Variants in DYRK1A observed in about 807,000 individuals in gnomAD.
DYRK1A encodes the protein dual specificity tyrosine-phosphorylation-regulated kinase 1A.
DYRK1A carries 9 observed loss-of-function variants against 79.7 expected under a neutral mutation model. That is an observed-to-expected ratio of 0.11 (90% CI 0.07 to 0.20). The LOEUF is 0.20. DYRK1A is among the 10% of genes least tolerant of loss of function. The pLI, the probability that DYRK1A is intolerant of heterozygous loss-of-function variation, is 1.00. For synonymous variants in DYRK1A, 349 were observed against 329.7 expected, an observed-to-expected ratio of 1.06 and a Z score of -0.63; for missense variants, 622 against 956.0, an observed-to-expected ratio of 0.65 and a Z score of 4.61.
intron 1 of DYRK1A, among the ~76,000 whole-genome samples, chr21:37,391,895 G>C (rs2049877534): frequency 6.6e-6 from 1 of 152,236 alleles, no homozygotes; most frequent in Non-Finnish European, 1.5e-5. Context: ...AGGGCATGTA[G>C]TAGGTGTGTT....
rs1364219580 is a variant in DYRK1A at position 37,366,799 on chromosome 21, T to A, written c.-906T>A. The A allele has an allele frequency of 2.0e-5, 3 of 151,986 alleles. No individual in the cohort carries two copies. Among genetic ancestry groups the A allele is most frequent in the Admixed American group, 2.0e-4 (3 of 15,284 alleles). The allele number at this position is 151,986 out of a possible 1,614,324, so 9.4% of individuals were successfully genotyped here. A position where few individuals can be genotyped will look rare whatever the true frequency, so the allele number is the denominator to read the frequency against. ...ACCGGGTCGGTCCGTCGCCATTTTG[T>A]TGGTTGGTTTTTTTTTAAACCCTTT... is the stretch of plus-strand genomic sequence containing the variant. On this transcript the variant is annotated 5_prime_UTR_variant, in exon 1 of 12. It adds an upstream start codon to the 5' untranslated region. Transcript: ENST00000647188.
At chr21:37,408,571 T>G (rs528525674) in intron 1 of DYRK1A, among the ~76,000 whole-genome samples, 2 of 152,040 alleles carry the variant, frequency 1.3e-5, no homozygotes, top group African/African-American at 4.8e-5. Flanking sequence ...ATTATATAAA[T>G]TTTTTTTAGC....
intron 2 of DYRK1A, among the ~76,000 whole-genome samples, chr21:37,436,201 TTTGTGTTAAGGTTTTAAA>T (rs752588656): frequency 2.6e-5 from 4 of 152,196 alleles, no homozygotes; most frequent in Non-Finnish European, 5.9e-5. Flanking sequence ...GCCCATAGAA[TTTGTGTTAAGGTTTTAAA>T]TATCACTTAG....
rs1021931512 is a variant in DYRK1A at position 37,514,646 on chromosome 21, T to C, written c.*2115T>C. Reference sequence around the variant, plus strand: ...TTTTATAAACTACAAAAACTTTTTGTTGTTTATCAGGAAATCCATATTTAT... The same window carrying C: ...TTTTATAAACTACAAAAACTTTTTGCTGTTTATCAGGAAATCCATATTTAT... On this transcript the variant is annotated 3_prime_UTR_variant, in exon 12 of 12. Coordinates refer to ENST00000647188, the MANE Select transcript of DYRK1A (RefSeq NM_001347721.2). The C allele has an allele frequency of 1.3e-5, 2 of 152,620 alleles. No homozygotes were observed. The highest frequency in any genetic ancestry group is 2.9e-5 in the Non-Finnish European group (2 of 68,028). The allele number at this position is 152,620 out of a possible 1,614,324, so 9.5% of individuals were successfully genotyped here. A position where few individuals can be genotyped will look rare whatever the true frequency, so the allele number is the denominator to read the frequency against.
Position 37,480,750 on chromosome 21 carries a change from A to G in DYRK1A, c.413A>G (p.Tyr138Cys), listed in dbSNP as rs1204853440. ...NDGYDDDNYDYIVKNGEKWMD... is the reference protein window; with the variant it reads ...NDGYDDDNYDCIVKNGEKWMD... ...GGTTATGATGATGATAACTATGATT[A>G]TATTGTAAAAAACGGAGAAAAGTGG... is the stretch of plus-strand genomic sequence containing the variant. The change falls in exon 5 of 12, where the codon TAT becomes TGT. Residue 138 changes from tyrosine to cysteine, a missense_variant. Transcript: ENST00000647188. The G allele has an allele frequency of 6.2e-7, 1 of 1,613,142 alleles. No homozygotes were observed.
At chr21:37,486,400 T>C (rs1292547803) in intron 5 of DYRK1A, 67 bp from the exon 6 acceptor site, 1 of 1,217,688 alleles carries the variant, frequency 8.2e-7, no homozygotes, top group African/African-American at 1.6e-5. Flanking sequence ...ATAATTAAGG[T>C]GAATTATAAA....
chr21:37,418,259 C>G (rs2050396037), intron 1 of DYRK1A, among the ~76,000 whole-genome samples: 3 of 152,088 alleles, frequency 2.0e-5, no homozygotes, highest in Admixed American at 2.0e-4. Flanking sequence ...GGTTTGGTTG[C>G]TGTATAAGTC....
chr21:37,437,331 C>G (rs573057189), intron 2 of DYRK1A, among the ~76,000 whole-genome samples: 83 of 152,188 alleles, frequency 5.5e-4, no homozygotes, highest in Admixed American at 1.4e-3. Context: ...TGAGTAATTT[C>G]AAGGGGTTTT....
intron 1 of DYRK1A, among the ~76,000 whole-genome samples, chr21:37,397,857 G>A (rs1462819479): frequency 2.6e-5 from 4 of 152,028 alleles, no homozygotes; most frequent in South Asian, 2.1e-4. Context: ...GTGAAAGTGC[G>A]TAATTAATAC....
At chr21:37,455,019 C>CCTT (rs776780027) in intron 2 of DYRK1A, among the ~76,000 whole-genome samples, 4 of 116,854 alleles carry the variant, frequency 3.4e-5, no homozygotes, top group African/African-American at 1.3e-4. Context: ...GGGTGGTCAC[C>CCTT]TTTTTTTTTT....
chr21:37,395,223 A>G (rs1310537221), intron 1 of DYRK1A, among the ~76,000 whole-genome samples: 2 of 152,234 alleles, frequency 1.3e-5, no homozygotes, highest in East Asian at 3.8e-4. Context: ...TAGGAAATGT[A>G]GATTCTCAGG....
intron 2 of DYRK1A, among the ~76,000 whole-genome samples, chr21:37,448,553 G>A (rs2051344523): frequency 6.6e-6 from 1 of 151,908 alleles, no homozygotes; most frequent in Non-Finnish European, 1.5e-5. Flanking sequence ...AAAATAGGAA[G>A]GTTTAACATG....
At chr21:37,388,811 A>C (rs1470168712) in intron 1 of DYRK1A, among the ~76,000 whole-genome samples, 4 of 151,400 alleles carry the variant, frequency 2.6e-5, no homozygotes, top group African/African-American at 9.7e-5. Context: ...TGCCCGGCTA[A>C]TTTTTTGTAT....
chr21:37,475,256 G>T (rs1249911359), intron 3 of DYRK1A, among the ~76,000 whole-genome samples: 1 of 152,126 alleles, frequency 6.6e-6, no homozygotes, highest in East Asian at 1.9e-4. Context: ...TTGCAAAAGG[G>T]GTCATTTCTG....
intron 2 of DYRK1A, among the ~76,000 whole-genome samples, chr21:37,445,346 A>T (rs2051233864): frequency 6.6e-6 from 1 of 152,218 alleles, no homozygotes; most frequent in African/African-American, 2.4e-5. Flanking sequence ...TTTCTGTTAG[A>T]TGCCAGGAGG....
chr21:37,474,440 A>C (rs926355393), intron 3 of DYRK1A, among the ~76,000 whole-genome samples: 12 of 152,240 alleles, frequency 7.9e-5, no homozygotes, highest in Admixed American at 2.6e-4. Context: ...TATTTCTGCC[A>C]AAATCCAAAA....
At chr21:37,433,015 A>G (rs2050820796) in intron 2 of DYRK1A, among the ~76,000 whole-genome samples, 1 of 147,130 alleles carries the variant, frequency 6.8e-6, no homozygotes. Context: ...GTATACTTAG[A>G]AAACTTACTT....
At chr21:37,482,753 A>G (rs898667952) in intron 5 of DYRK1A, among the ~76,000 whole-genome samples, 18 of 152,310 alleles carry the variant, frequency 1.2e-4, no homozygotes, top group South Asian at 8.3e-4. Flanking sequence ...TCTCGACCAT[A>G]GAAGACGGCC....
intron 11 of DYRK1A, among the ~76,000 whole-genome samples, chr21:37,511,001 G>A (rs538238202): frequency 4.2e-4 from 64 of 152,214 alleles, no homozygotes; most frequent in Admixed American, 1.8e-3. Context: ...GAACTGAAGC[G>A]ATGAAAAAGA....
Sources: allele counts gnomAD v4.1 joint callset (sites outside exome capture counted in the v4.1 genomes callset), GRCh38; gene constraint gnomAD v4.1.1; transcripts MANE v1.5; gene names NCBI Gene and HGNC (gene_info 2026-07-23, HGNC 2026-07-21).